Variants in C12orf50 observed in about 807,000 individuals in gnomAD.
The protein encoded by C12orf50 is zinc finger CCCH-type containing 11D, also known as uncharacterized protein C12orf50.
C12orf50 carries 35 observed loss-of-function variants against 61.6 expected under a neutral mutation model. The ratio of observed to expected loss-of-function variants is 0.57; its 90% CI spans 0.43 to 0.75. C12orf50 has a LOEUF of 0.75. Among genes scored for constraint, C12orf50 ranks in the 30% least tolerant of loss-of-function variants. The probability of loss-of-function intolerance (pLI) is 0.00; values close to 1 mark genes in which losing one functional copy is unlikely to be tolerated. For missense variants in C12orf50, 475 were observed against 488.5 expected, an observed-to-expected ratio of 0.97 and a Z score of 0.26; for synonymous variants, 178 against 161.5, an observed-to-expected ratio of 1.10 and a Z score of -0.77.
intron 3 of C12orf50, among the ~76,000 whole-genome samples, chr12:88,007,509 C>G (rs1293851836): frequency 6.6e-6 from 1 of 152,092 alleles, no homozygotes; most frequent in African/African-American, 2.4e-5. Context: ...TTGAGGACTC[C>G]CTGCTTCCAA....
chr12:88,001,103 T>C (rs944419377), intron 3 of C12orf50, among the ~76,000 whole-genome samples: 3 of 151,838 alleles, frequency 2.0e-5, no homozygotes, highest in African/African-American at 7.2e-5. Flanking sequence ...GCTTTCAGTA[T>C]TTCATCAAGT....
chr12:88,011,893 T>G (rs2032123468), intron 3 of C12orf50, among the ~76,000 whole-genome samples: 1 of 152,178 alleles, frequency 6.6e-6, no homozygotes, highest in South Asian at 2.1e-4. Context: ...GTTTCTCTCC[T>G]TAAAACCGGT....
upstream of C12orf50, among the ~76,000 whole-genome samples, chr12:88,029,915 A>C (rs1461809696): frequency 6.6e-6 from 1 of 152,160 alleles, no homozygotes; most frequent in Non-Finnish European, 1.5e-5. Flanking sequence ...TAAAAAGAGG[A>C]ATATCTTCTT....
At chr12:87,989,957 A>G (rs754607324) in intron 7 of C12orf50, among the ~76,000 whole-genome samples, 7 of 152,126 alleles carry the variant, frequency 4.6e-5, no homozygotes, top group Non-Finnish European at 7.4e-5. Context: ...CTGACCCTTT[A>G]CTGAGTACTT....
At chr12:87,980,407 T>A (rs757803532) in intron 12 of C12orf50, 51 bp from the exon 13 acceptor site, 3 of 1,453,396 alleles carry the variant, frequency 2.1e-6, no homozygotes, top group Non-Finnish European at 2.9e-6. Context: ...TTTAGCGCAC[T>A]GATATTTTGT....
At chr12:88,022,264 T>C (rs1261404421) in intron 3 of C12orf50, among the ~76,000 whole-genome samples, 3 of 152,008 alleles carry the variant, frequency 2.0e-5, no homozygotes, top group Non-Finnish European at 4.4e-5. Context: ...TATGATTACC[T>C]CAATAGATGC....
At position 87,983,593 on chromosome 12, in the gene C12orf50, A is replaced by C. The variant is rs578140166; in HGVS notation, c.1127-398T>G. On this transcript the variant is annotated intron_variant, in intron 11 of 12. Transcript: ENST00000298699. ...GTGTGGTGTTCCCCTTCCTGTGTCC[A>C]TGTGTTCTCATTGTTCAATTCCCAT... 2.1e-3 allele frequency: 311 copies of C among 151,172 alleles called. 1 individual carries two copies. Among genetic ancestry groups the C allele is most frequent in the African/African-American group, 7.4e-3 (305 of 41,038 alleles). 9.4% of individuals were successfully genotyped at this position (151,172 alleles called of 1,614,324 possible).
At chr12:88,003,487 G>A (rs12322768) in intron 3 of C12orf50, among the ~76,000 whole-genome samples, 13,188 of 151,962 alleles carry the variant, frequency 0.087, 642 homozygotes, top group African/African-American at 0.11. Flanking sequence ...TTCTTTTAAG[G>A]TAGACAAACT....
In C12orf50 at chr12:87,980,717, G is replaced by A. The variant is rs2030420290; in HGVS notation, c.1220-361C>T. Among the ~76,000 whole-genome samples, 2 of 152,140 alleles carry A rather than the reference G, an allele frequency of 1.3e-5. 1 individual carries two copies. Among genetic ancestry groups the A allele is most frequent in the South Asian group, 4.1e-4 (2 of 4,826 alleles). On this transcript the variant is annotated intron_variant, in intron 12 of 12. Transcript: ENST00000298699. The stretch of plus-strand genomic sequence containing the variant: ...GTGGCCTCAAGAGAAGGTCACCAAT[G>A]AGAATGACATCTCCAGTTGCCTTCA...
At chr12:87,980,448 TAAAGGCAAAGA>T in intron 12 of C12orf50, 92 bp from the exon 13 acceptor site, 4 of 1,125,974 alleles carry the variant, frequency 3.6e-6, no homozygotes, top group Non-Finnish European at 5.3e-6. Context: ...GCCGTAAATC[TAAAGGCAAAGA>T]AAAACTAATC....
intron 7 of C12orf50, 56 bp from the exon 8 acceptor site, chr12:87,989,427 C>G: frequency 7.9e-7 from 1 of 1,265,366 alleles, no homozygotes; most frequent in Non-Finnish European, 1.1e-6. Flanking sequence ...TACAAACTAG[C>G]TTTCAATACA....
chr12:87,985,849 C>A lies in C12orf50; in HGVS notation c.1126+1G>T. ...TAAACCACATCAACAAAGGACCTCA[C>A]CTGGACTGAGGTTGGGTTTGGGTTC... On this transcript the variant is annotated splice_donor_variant, in intron 11 of 12. Coordinates refer to ENST00000298699, the MANE Select transcript of C12orf50 (RefSeq NM_152589.3). LOFTEE classifies it high-confidence loss of function. The A allele has an allele frequency of 6.2e-7, 1 of 1,612,104 alleles. No individual in the cohort carries two copies. Among genetic ancestry groups the A allele is most frequent in the Non-Finnish European group, 8.5e-7 (1 of 1,179,474 alleles).
intron 3 of C12orf50, 93 bp downstream of exon 3, chr12:88,026,395 C>T (rs900870124): frequency 1.4e-6 from 2 of 1,413,768 alleles, no homozygotes; most frequent in African/African-American, 1.4e-5. Context: ...CATTGCTCAC[C>T]TTGTCATACT....
At position 87,989,287 on chromosome 12, in the gene C12orf50, A is replaced by G; in HGVS notation, c.677T>C (p.Ile226Thr). The change falls in exon 8 of 13, where the codon ATA becomes ACA. Residue 226 changes from isoleucine (I) to threonine (T), a missense_variant. Ile to Thr is a moderately conservative substitution (Grantham distance 89). Coordinates refer to ENST00000298699, the MANE Select transcript of C12orf50 (RefSeq NM_152589.3). ...EALTEEKEITISKCSNTKDNK... is the reference protein window; with the variant it reads ...EALTEEKEITTSKCSNTKDNK... ...ACCTTTAGTATTTGAACATTTTGAT[A>G]TGGTGATTTCTTTCTCTTCAGTTAA... is the stretch of plus-strand genomic sequence containing the variant. The G allele has an allele frequency of 5.0e-6, 8 of 1,608,190 alleles. No homozygotes were observed. The highest frequency in any genetic ancestry group is 6.8e-6 in the Non-Finnish European group (8 of 1,175,522).
At chr12:88,019,129 A>T (rs1417927455) in intron 3 of C12orf50, among the ~76,000 whole-genome samples, 2 of 152,116 alleles carry the variant, frequency 1.3e-5, no homozygotes, top group Non-Finnish European at 2.9e-5. Flanking sequence ...TCTCATCTTG[A>T]ATTGTAACTC....
At chr12:87,991,961 C>T (rs935814669) in intron 7 of C12orf50, among the ~76,000 whole-genome samples, 3 of 152,092 alleles carry the variant, frequency 2.0e-5, no homozygotes, top group Non-Finnish European at 2.9e-5. Flanking sequence ...TTGCTGGACC[C>T]GCACATTCCT....
chr12:88,012,366 A>G (rs1433359077), intron 3 of C12orf50, among the ~76,000 whole-genome samples: 2 of 152,230 alleles, frequency 1.3e-5, no homozygotes, highest in African/African-American at 4.8e-5. Context: ...CATGCAGTAC[A>G]AAACACATAG....
At chr12:88,024,939 C>A (rs145806621) in intron 3 of C12orf50, among the ~76,000 whole-genome samples, 252 of 152,040 alleles carry the variant, frequency 1.7e-3, no homozygotes, top group Non-Finnish European at 2.8e-3. Context: ...GTGTATGTGA[C>A]AGGTGAAAGG....
intron 3 of C12orf50, among the ~76,000 whole-genome samples, chr12:88,015,779 A>T (rs1299173515): frequency 1.3e-5 from 2 of 152,204 alleles, no homozygotes; most frequent in Non-Finnish European, 2.9e-5. Context: ...TAAACTTAGA[A>T]ATGATAACCA....
Sources: allele counts gnomAD v4.1 joint callset (sites outside exome capture counted in the v4.1 genomes callset), GRCh38; gene constraint gnomAD v4.1.1; transcripts MANE v1.5; gene names NCBI Gene and HGNC (gene_info 2026-07-23, HGNC 2026-07-21).